PCDH15: variants seen among roughly 807,000 people sequenced by gnomAD.
The protein encoded by PCDH15 is protocadherin related 15, also known as protocadherin-15.
Under a neutral mutation model 178.5 loss-of-function variants are expected in PCDH15, and 129 were observed. The observed-to-expected ratio is 0.72, with a 90% CI of 0.63 to 0.84. PCDH15 has a LOEUF of 0.84. Ranked by LOEUF, PCDH15 falls within the 40% of genes least tolerant of loss-of-function variation. The pLI is 0.00. For missense variants in PCDH15, 2,230 were observed against 2,099.9 expected (o/e 1.06, Z -1.21); for synonymous variants, 800 against 732.0 (o/e 1.09, Z -1.50).
In PCDH15 at chr10:54,774,007, C is replaced by CTTTTTTTTTTTTTTTTTTTT. The variant is rs763704132; in HGVS notation, c.-29+26898_-29+26917dup. Among the ~76,000 whole-genome samples, 5 of 75,378 alleles carry CTTTTTTTTTTTTTTTTTTTT rather than the reference C, an allele frequency of 6.6e-5. 1 individual carries two copies. The highest frequency in any genetic ancestry group is 2.0e-4 in the Admixed American group (1 of 5,076). 49.5% of individuals were successfully genotyped at this position (75,378 alleles called of 152,430 possible). ...TAGATGAACTGGCATACTTCATAGG[C>CTTTTTTTTTTTTTTTTTTTT]TTTTTTTTTTTTTTTTTTTTTTTTT... On this transcript the variant is annotated intron_variant, in intron 1 of 37. Coordinates refer to ENST00000644397, the MANE Select transcript of PCDH15 (RefSeq NM_001384140.1).
chr10:54,164,231 T>C (rs2045988326), intron 13 of PCDH15, among the ~76,000 whole-genome samples: 1 of 152,198 alleles, frequency 6.6e-6, no homozygotes, highest in Non-Finnish European at 1.5e-5. Flanking sequence ...AAAAGTCTAT[T>C]TTTTGCTAGG....
rs528729986 is a variant in PCDH15 at position 55,472,607 on chromosome 10, C to T, written c.-156+155018G>A. On this transcript the variant is annotated intron_variant, in intron 2 of 5. Coordinates refer to the PCDH15 transcript ENST00000613346. ...GTTTTGAGACGGAGTCTCGCTCTGTCGCCCAGGCTGGAGTGCAGTGGCGCG... is the reference window on the plus strand; with the variant it reads ...GTTTTGAGACGGAGTCTCGCTCTGTTGCCCAGGCTGGAGTGCAGTGGCGCG... 4.6e-5 allele frequency among the ~76,000 whole-genome samples: 7 copies of T among 152,082 alleles called. No homozygotes were observed. In the South Asian group the frequency reaches 8.3e-4, roughly 18 times the overall value.
intron 3 of PCDH15, among the ~76,000 whole-genome samples, chr10:54,433,523 T>G (rs1413412781): frequency 1.3e-5 from 2 of 151,934 alleles, no homozygotes; most frequent in African/African-American, 4.8e-5. Flanking sequence ...ACAACTGAAC[T>G]CACAGAGATA....
intron 2 of PCDH15, among the ~76,000 whole-genome samples, chr10:55,447,402 G>A (rs1283617442): frequency 3.3e-5 from 5 of 152,096 alleles, no homozygotes; most frequent in South Asian, 2.1e-4. Context: ...ATCATAGAAC[G>A]TTTAAGTCCC....
chr10:55,487,421 T>G (rs1840319375), intron 2 of PCDH15, among the ~76,000 whole-genome samples: 1 of 151,688 alleles, frequency 6.6e-6, no homozygotes, highest in South Asian at 2.1e-4. Flanking sequence ...CGCACATCCA[T>G]TTATCAAGTA....
intron 3 of PCDH15, among the ~76,000 whole-genome samples, chr10:54,807,760 T>C (rs1459331678): frequency 6.7e-6 from 1 of 149,698 alleles, no homozygotes; most frequent in Non-Finnish European, 1.5e-5. Context: ...TATAATAGTA[T>C]AAAAATTCAC....
At chr10:54,724,307 A>G (rs866072030) in intron 1 of PCDH15, among the ~76,000 whole-genome samples, 1 of 151,736 alleles carries the variant, frequency 6.6e-6, no homozygotes, top group Non-Finnish European at 1.5e-5. Context: ...GTTCTCATTC[A>G]TAAGTGGAAA....
At chr10:55,205,107 A>G (rs1429737164) in intron 1 of PCDH15, among the ~76,000 whole-genome samples, 1 of 152,108 alleles carries the variant, frequency 6.6e-6, no homozygotes, top group African/African-American at 2.4e-5. Flanking sequence ...TGCAATTATA[A>G]GAAGTATAGT....
chr10:54,804,815 A>C (rs1267732857), upstream of PCDH15, among the ~76,000 whole-genome samples: 1 of 151,126 alleles, frequency 6.6e-6, no homozygotes, highest in Non-Finnish European at 1.5e-5. Context: ...ATGCCAGTTC[A>C]TCTGTGCACT....
chr10:53,826,365 C>CTT (rs2076679937), intron 32 of PCDH15, among the ~76,000 whole-genome samples: 1 of 151,818 alleles, frequency 6.6e-6, no homozygotes, highest in Non-Finnish European at 1.5e-5. Context: ...GGTAAGTAAC[C>CTT]TGAACACATT....
intron 2 of PCDH15, among the ~76,000 whole-genome samples, chr10:54,902,451 T>A (rs1412717388): frequency 6.6e-6 from 1 of 152,092 alleles, no homozygotes; most frequent in Admixed American, 6.6e-5. Context: ...GTGTAGCACA[T>A]CCCCCTTTGG....
At chr10:55,494,120 G>A (rs1016225538) in intron 2 of PCDH15, among the ~76,000 whole-genome samples, 10 of 151,740 alleles carry the variant, frequency 6.6e-5, no homozygotes, top group African/African-American at 1.9e-4. Flanking sequence ...TTCTACAAAT[G>A]TCTGTTTGGT....
intron 21 of PCDH15, among the ~76,000 whole-genome samples, chr10:53,974,394 T>TTAAAGTTTAA (rs2090018900): frequency 6.6e-6 from 1 of 152,118 alleles, no homozygotes; most frequent in Non-Finnish European, 1.5e-5. Flanking sequence ...CTTTAAAGAT[T>TTAAAGTTTAA]AGTATCATAC....
At chr10:53,818,106 T>C in intron 33 of PCDH15, 93 bp from the exon 34 acceptor site, 1 of 395,362 alleles carries the variant, frequency 2.5e-6, no homozygotes, top group Non-Finnish European at 4.5e-6. Flanking sequence ...AAAAAATGTC[T>C]GAGTAAAACT....
Position 54,732,314 on chromosome 10 carries a change from A to C in PCDH15, c.-28-68024T>G, listed in dbSNP as rs934433027. 2.6e-5 allele frequency among the ~76,000 whole-genome samples: 4 copies of C among 151,528 alleles called. No individual in the cohort carries two copies. The East Asian group carries it at 7.8e-4, about 30-fold the overall frequency. On this transcript the variant is annotated intron_variant, in intron 1 of 37. Transcript: ENST00000644397. ...CAGAGACAGAGCAAGTCAGACACAG[A>C]GAATGAAAAAACATCCAAACTACCA...
chr10:54,428,710 C>T (rs1956595686), intron 3 of PCDH15, among the ~76,000 whole-genome samples: 1 of 152,132 alleles, frequency 6.6e-6, no homozygotes, highest in African/African-American at 2.4e-5. Flanking sequence ...CAAGCAAACA[C>T]ATAACATACA....
chr10:54,569,221 T>C (rs575756031), intron 2 of PCDH15, among the ~76,000 whole-genome samples: 1 of 152,182 alleles, frequency 6.6e-6, no homozygotes, highest in Non-Finnish European at 1.5e-5. Context: ...TTAAAGTATA[T>C]ATATGAAAAC....
At chr10:55,047,013 A>AT (rs1464439161) in intron 2 of PCDH15, among the ~76,000 whole-genome samples, 2 of 151,820 alleles carry the variant, frequency 1.3e-5, no homozygotes, top group Non-Finnish European at 2.9e-5. Flanking sequence ...AGCTTGCAGC[A>AT]TTTTTTTAAT....
At chr10:55,459,050 A>G (rs1839613532) in intron 2 of PCDH15, among the ~76,000 whole-genome samples, 1 of 151,916 alleles carries the variant, frequency 6.6e-6, no homozygotes, top group Non-Finnish European at 1.5e-5. Context: ...TGCTGGTGCT[A>G]GGTTTGACTT....
Sources: allele counts gnomAD v4.1 joint callset (sites outside exome capture counted in the v4.1 genomes callset), GRCh38; gene constraint gnomAD v4.1.1; transcripts MANE v1.5; gene names NCBI Gene and HGNC (gene_info 2026-07-23, HGNC 2026-07-21).